The following CACNA2D3 variants were observed in gnomAD, a reference collection of about 807,000 sequenced individuals.
The protein encoded by CACNA2D3 is voltage-dependent calcium channel subunit alpha-2/delta-3.
Under a neutral mutation model 160.6 loss-of-function variants are expected in CACNA2D3, and 60 were observed. The ratio of observed to expected loss-of-function variants is 0.37; its 90% CI spans 0.30 to 0.46. The LOEUF is 0.46. Ranked by LOEUF, CACNA2D3 falls within the 20% of genes least tolerant of loss-of-function variation. The pLI is 1.00. For missense variants in CACNA2D3, 1,205 were observed against 1,365.0 expected, an observed-to-expected ratio of 0.88 and a Z score of 1.85; for synonymous variants, 558 against 492.9, an observed-to-expected ratio of 1.13 and a Z score of -1.75.
Position 54,475,801 on chromosome 3 carries a change from G to T in CACNA2D3, c.382-27691G>T, listed in dbSNP as rs149501262. Among the ~76,000 whole-genome samples, 891 of 147,284 alleles carry T rather than the reference G, an allele frequency of 6.0e-3. 10 individuals are homozygous for T. The highest frequency in any genetic ancestry group is 0.02 in the African/African-American group (796 of 39,786). On this transcript the variant is annotated intron_variant, in intron 4 of 37. Transcript: ENST00000474759. ...AATAACATATCCATCTTCTCACATG[G>T]TTACCATTTGTGTGTGTGTGTGTGT...
intron 34 of CACNA2D3, among the ~76,000 whole-genome samples, chr3:55,016,249 G>A (rs188540203): frequency 2.0e-5 from 3 of 152,238 alleles, no homozygotes; most frequent in East Asian, 1.9e-4. Flanking sequence ...CAAAAAGCCC[G>A]ACTCCATGAA....
chr3:54,225,957 T>A (rs891909108), intron 2 of CACNA2D3, among the ~76,000 whole-genome samples: 1 of 152,136 alleles, frequency 6.6e-6, no homozygotes, highest in Admixed American at 6.5e-5. Flanking sequence ...CTTCACCGGA[T>A]TGGGGACTGA....
intron 35 of CACNA2D3, among the ~76,000 whole-genome samples, chr3:55,056,303 T>C (rs1355399346): frequency 2.6e-5 from 4 of 152,202 alleles, no homozygotes; most frequent in African/African-American, 9.6e-5. Flanking sequence ...GGATGAAAGA[T>C]AACAAGTGTT....
chr3:54,434,660 G>C (rs1700035787), intron 4 of CACNA2D3, among the ~76,000 whole-genome samples: 1 of 152,220 alleles, frequency 6.6e-6, no homozygotes, highest in Admixed American at 6.5e-5. Flanking sequence ...TAGCAGGCTG[G>C]TGGCCTGGGC....
At chr3:54,731,418 T>A (rs1701383255) in intron 11 of CACNA2D3, among the ~76,000 whole-genome samples, 1 of 152,006 alleles carries the variant, frequency 6.6e-6, no homozygotes, top group Non-Finnish European at 1.5e-5. Context: ...AAAGACTCTA[T>A]GTACCCCAAA....
intron 2 of CACNA2D3, among the ~76,000 whole-genome samples, chr3:54,156,825 A>C (rs1009406846): frequency 6.6e-6 from 1 of 152,224 alleles, no homozygotes; most frequent in South Asian, 2.1e-4. Context: ...TGAGGCAACC[A>C]CATGAGATAC....
At chr3:54,652,154 C>T (rs1699778322) in intron 11 of CACNA2D3, among the ~76,000 whole-genome samples, 1 of 151,794 alleles carries the variant, frequency 6.6e-6, no homozygotes, top group Non-Finnish European at 1.5e-5. Flanking sequence ...TCCACACGAC[C>T]GTCACTCTGG....
intron 3 of CACNA2D3, among the ~76,000 whole-genome samples, chr3:54,349,931 C>T (rs1431730044): frequency 6.6e-6 from 1 of 152,248 alleles, no homozygotes; most frequent in East Asian, 1.9e-4. Flanking sequence ...TTCTCTTTAA[C>T]ACATTCCTTG....
chr3:54,289,272 CAGAG>C (rs1703120090), intron 2 of CACNA2D3, among the ~76,000 whole-genome samples: 1 of 151,710 alleles, frequency 6.6e-6, no homozygotes, highest in South Asian at 2.1e-4. Flanking sequence ...AACAGACAAA[CAGAG>C]AGCCAAATCA....
chr3:54,585,737 A>G (rs1702749172), intron 9 of CACNA2D3, among the ~76,000 whole-genome samples: 1 of 152,186 alleles, frequency 6.6e-6, no homozygotes, highest in African/African-American at 2.4e-5. Flanking sequence ...TGAGAACAGC[A>G]TAGGAAAAAC....
intron 35 of CACNA2D3, among the ~76,000 whole-genome samples, chr3:55,018,923 A>G (rs1019665540): frequency 7.3e-6 from 1 of 137,638 alleles, no homozygotes; most frequent in South Asian, 2.4e-4. Context: ...TTCCTATTGT[A>G]TGGTTTGACT....
intron 13 of CACNA2D3, among the ~76,000 whole-genome samples, chr3:54,804,791 A>G (rs1449395665): frequency 1.3e-5 from 2 of 152,206 alleles, no homozygotes; most frequent in Non-Finnish European, 2.9e-5. Context: ...AATTGACCAC[A>G]TAGTTGGAAG....
chr3:54,250,488 C>T (rs1259470470), intron 2 of CACNA2D3, among the ~76,000 whole-genome samples: 1 of 152,038 alleles, frequency 6.6e-6, no homozygotes, highest in Non-Finnish European at 1.5e-5. Context: ...GACTGGAGTG[C>T]GGTGATATGA....
chr3:54,245,385 C>A (rs1218550595), intron 2 of CACNA2D3, among the ~76,000 whole-genome samples: 1 of 151,746 alleles, frequency 6.6e-6, no homozygotes, highest in Non-Finnish European at 1.5e-5. Flanking sequence ...CCTGGGGGAC[C>A]CCCTGCCTGG....
intron 10 of CACNA2D3, among the ~76,000 whole-genome samples, chr3:54,628,761 C>T (rs1559531805): frequency 6.6e-6 from 1 of 152,090 alleles, no homozygotes. Flanking sequence ...ATGAAGCAAT[C>T]CACAGATTAG....
chr3:54,883,666 C>G (rs1471382960), intron 21 of CACNA2D3, among the ~76,000 whole-genome samples: 3 of 152,114 alleles, frequency 2.0e-5, no homozygotes, highest in African/African-American at 7.2e-5. Context: ...AAGGTACAGT[C>G]CCTTCTCAGG....
At chr3:54,896,189 G>A (rs1700183533) in intron 25 of CACNA2D3, among the ~76,000 whole-genome samples, 1 of 152,178 alleles carries the variant, frequency 6.6e-6, no homozygotes, top group Admixed American at 6.5e-5. Context: ...AGTGGAGGGC[G>A]GGGATGCACA....
At chr3:54,345,844 T>TAA (rs202046556) in intron 3 of CACNA2D3, among the ~76,000 whole-genome samples, 13 of 149,900 alleles carry the variant, frequency 8.7e-5, no homozygotes, top group African/African-American at 3.0e-4. Flanking sequence ...TTTTTTTTTT[T>TAA]TAAAAAAATT....
intron 18 of CACNA2D3, chr3:54,877,004 A>G (rs1219509712): frequency 2.0e-5 from 3 of 152,130 alleles, no homozygotes; most frequent in African/African-American, 7.2e-5. Context: ...GAACATCGAT[A>G]TCGTGGTTTA....
Sources: allele counts gnomAD v4.1 joint callset (sites outside exome capture counted in the v4.1 genomes callset), GRCh38; gene constraint gnomAD v4.1.1; transcripts MANE v1.5; gene names NCBI Gene and HGNC (gene_info 2026-07-23, HGNC 2026-07-21).